The following MGAT4C variants were observed in gnomAD, a reference collection of about 807,000 sequenced individuals.
MGAT4C encodes alpha-1,3-mannosyl-glycoprotein 4-beta-N-acetylglucosaminyltransferase C.
MGAT4C carries 19 observed loss-of-function variants against 40.1 expected under a neutral mutation model. That is an observed-to-expected ratio of 0.47 (90% CI 0.33 to 0.70). The LOEUF is 0.70. MGAT4C is among the 30% of genes least tolerant of loss of function. The pLI is 0.02. For synonymous variants in MGAT4C, 181 were observed against 187.1 expected (o/e 0.97, Z 0.27); for missense variants, 491 against 563.2 (o/e 0.87, Z 1.30).
chr12:86,574,005 T>G (rs2136425248), intron 2 of MGAT4C, among the ~76,000 whole-genome samples: 1 of 151,970 alleles, frequency 6.6e-6, no homozygotes, highest in Non-Finnish European at 1.5e-5. Flanking sequence ...TTACACAAGG[T>G]ACGTTGAATA....
Position 86,155,512 on chromosome 12 carries a change from A to G in MGAT4C, c.-57+100727T>C, listed in dbSNP as rs184050108. On this transcript the variant is annotated intron_variant, in intron 1 of 4. Transcript: ENST00000611864. ...TGGTAGTCTGTGGGTTTAAAGGAAAATAAATAATTAAAGGATCAAAGATGA... is the reference window on the plus strand; with the variant it reads ...TGGTAGTCTGTGGGTTTAAAGGAAAGTAAATAATTAAAGGATCAAAGATGA... Among the ~76,000 whole-genome samples the G allele has an allele frequency of 2.0e-5, 3 of 152,290 alleles. No individual in the cohort carries two copies. The East Asian group carries it at 5.8e-4, about 29-fold the overall frequency.
At chr12:86,519,645 T>C (rs1484318843) in intron 2 of MGAT4C, among the ~76,000 whole-genome samples, 1 of 152,150 alleles carries the variant, frequency 6.6e-6, no homozygotes, top group Non-Finnish European at 1.5e-5. Flanking sequence ...TTGTGATTCT[T>C]TGATGATTAG....
chr12:86,110,293 AGTCTC>A (rs1190097472), intron 1 of MGAT4C, among the ~76,000 whole-genome samples: 1,060 of 9,830 alleles, frequency 0.11, 48 homozygotes, highest in East Asian at 0.26. Flanking sequence ...ATATATATAT[AGTCTC>A]TCTATATATA....
intron 1 of MGAT4C, among the ~76,000 whole-genome samples, chr12:86,804,445 TAAAGAAAG>T (rs1198983060): frequency 4.8e-5 from 7 of 147,268 alleles, no homozygotes; most frequent in Non-Finnish European, 7.6e-5. Flanking sequence ...AATAAATAAA[TAAAGAAAG>T]AAAGAAGAAA....
intron 2 of MGAT4C, among the ~76,000 whole-genome samples, chr12:86,624,630 C>A (rs1962743510): frequency 6.6e-6 from 1 of 151,988 alleles, no homozygotes; most frequent in Admixed American, 6.6e-5. Flanking sequence ...AAGATAGCAA[C>A]AAAATAAATC....
intron 2 of MGAT4C, among the ~76,000 whole-genome samples, chr12:86,654,397 A>T (rs1963783405): frequency 6.6e-6 from 1 of 151,864 alleles, no homozygotes; most frequent in Non-Finnish European, 1.5e-5. Context: ...AGTGGTAGAA[A>T]AATAGAATGA....
chr12:86,780,057 T>C (rs929519664), intron 1 of MGAT4C, among the ~76,000 whole-genome samples: 1 of 152,072 alleles, frequency 6.6e-6, no homozygotes, highest in African/African-American at 2.4e-5. Context: ...CAATTCCCCA[T>C]TTATTTTTTA....
intron 1 of MGAT4C, among the ~76,000 whole-genome samples, chr12:86,250,113 G>GA (rs1477804574): frequency 3.9e-5 from 6 of 152,068 alleles, no homozygotes; most frequent in Non-Finnish European, 8.8e-5. Flanking sequence ...AAAGTGAAGG[G>GA]AAAATACCTT....
At chr12:86,055,877 C>T (rs1344044939) in intron 1 of MGAT4C, among the ~76,000 whole-genome samples, 3 of 151,794 alleles carry the variant, frequency 2.0e-5, no homozygotes, top group African/African-American at 7.3e-5. Flanking sequence ...TTTTTCATTC[C>T]CCTGTTATCC....
chr12:86,606,522 A>G (rs967635555), intron 2 of MGAT4C, among the ~76,000 whole-genome samples: 1 of 152,138 alleles, frequency 6.6e-6, no homozygotes, highest in African/African-American at 2.4e-5. Flanking sequence ...TTGGGATGTC[A>G]TTTAGCTTGT....
chr12:86,379,934 T>A (rs567221069), intron 3 of MGAT4C, among the ~76,000 whole-genome samples: 1 of 152,194 alleles, frequency 6.6e-6, no homozygotes, highest in African/African-American at 2.4e-5. Flanking sequence ...TAGAAAAATT[T>A]GTGGGGATTC....
chr12:86,556,708 TTAAA>T, intron 2 of MGAT4C, among the ~76,000 whole-genome samples: 1 of 152,322 alleles, frequency 6.6e-6, no homozygotes, highest in African/African-American at 2.4e-5. Flanking sequence ...TTTTAAAATG[TTAAA>T]TAAACCCATT....
At chr12:86,478,296 T>C (rs931101631) in intron 2 of MGAT4C, among the ~76,000 whole-genome samples, 6 of 152,170 alleles carry the variant, frequency 3.9e-5, no homozygotes, top group South Asian at 2.1e-4. Context: ...AAAGATGTCA[T>C]GTGAAGACTG....
intron 1 of MGAT4C, among the ~76,000 whole-genome samples, chr12:86,732,845 A>G (rs1392524281): frequency 6.6e-6 from 1 of 151,738 alleles, no homozygotes; most frequent in Non-Finnish European, 1.5e-5. Context: ...AAAAAAAAAA[A>G]AGGATGAGCA....
At chr12:86,290,284 GC>G (rs1446209102) in intron 4 of MGAT4C, among the ~76,000 whole-genome samples, 2 of 152,148 alleles carry the variant, frequency 1.3e-5, no homozygotes, top group Non-Finnish European at 2.9e-5. Context: ...TGATCTGGCT[GC>G]CTCAGCCTAC....
intron 1 of MGAT4C, among the ~76,000 whole-genome samples, chr12:86,811,358 C>G (rs80323600): frequency 9.0e-5 from 2 of 22,122 alleles, no homozygotes; most frequent in South Asian, 1.1e-3. Context: ...TTTTTTTTTT[C>G]TTGAGACAGA....
At chr12:86,528,936 C>T (rs1958930436) in intron 2 of MGAT4C, among the ~76,000 whole-genome samples, 1 of 151,854 alleles carries the variant, frequency 6.6e-6, no homozygotes, top group African/African-American at 2.4e-5. Flanking sequence ...CAAACTTGCA[C>T]ATCCTGCACA....
At chr12:86,493,548 C>T (rs1368218363) in intron 2 of MGAT4C, among the ~76,000 whole-genome samples, 2 of 144,332 alleles carry the variant, frequency 1.4e-5, no homozygotes, top group Admixed American at 1.5e-4. Flanking sequence ...ATCGCAAGGA[C>T]AAAAAACCAA....
At chr12:86,719,253 T>A (rs1407438357) in intron 2 of MGAT4C, among the ~76,000 whole-genome samples, 2 of 152,156 alleles carry the variant, frequency 1.3e-5, no homozygotes, top group Admixed American at 1.3e-4. Flanking sequence ...TATTGTAATA[T>A]CACACTCAGG....
Sources: allele counts gnomAD v4.1 joint callset (sites outside exome capture counted in the v4.1 genomes callset), GRCh38; gene constraint gnomAD v4.1.1; transcripts MANE v1.5; gene names NCBI Gene and HGNC (gene_info 2026-07-23, HGNC 2026-07-21).